Variants in TOM1 observed in about 807,000 individuals in gnomAD.
TOM1 encodes target of myb1 membrane trafficking protein, also known as target of Myb protein 1.
Under a neutral mutation model 61.3 loss-of-function variants are expected in TOM1, and 38 were observed. That is an observed-to-expected ratio of 0.62 (90% confidence interval 0.48 to 0.81). The LOEUF (loss-of-function observed/expected upper bound fraction) is 0.81, where lower values mean the gene tolerates loss of function less well. TOM1 is among the 40% of genes least tolerant of loss of function. The pLI, the probability that TOM1 is intolerant of heterozygous loss-of-function variation, is 0.00. For synonymous variants in TOM1, 270 were observed against 268.8 expected (o/e 1.00, Z -0.04); for missense variants, 591 against 659.6 (o/e 0.90, Z 1.14).
intron 8 of TOM1, among the ~76,000 whole-genome samples, chr22:35,332,667 G>A (rs532659431): frequency 1.3e-4 from 20 of 152,038 alleles, no homozygotes; most frequent in Admixed American, 3.3e-4. Flanking sequence ...CCTTTACTGC[G>A]TGCCATGCAT....
At chr22:35,319,240 A>T (rs559220901) in intron 2 of TOM1, among the ~76,000 whole-genome samples, 3 of 152,214 alleles carry the variant, frequency 2.0e-5, no homozygotes, top group African/African-American at 7.2e-5. Flanking sequence ...GCAAGCCCCC[A>T]TGTCCCTTAT....
At chr22:35,333,519 C>T (rs2145691832) in intron 10 of TOM1, 22 bp downstream of exon 10, 3 of 1,610,180 alleles carry the variant, frequency 1.9e-6, no homozygotes, top group Non-Finnish European at 2.5e-6. Context: ...TTGGAGGGCT[C>T]CAGCTGAGGG....
At chr22:35,334,866 T>TA (rs1929165864) in intron 11 of TOM1, among the ~76,000 whole-genome samples, 1 of 126,746 alleles carries the variant, frequency 7.9e-6, no homozygotes, top group Admixed American at 9.4e-5. Context: ...TACCGCATAG[T>TA]AAGCCCTCCA....
upstream of TOM1, chr22:35,299,751 C>G: frequency 1.5e-6 from 1 of 686,834 alleles, no homozygotes; most frequent in Non-Finnish European, 2.4e-6. Context: ...GGTCATCGCC[C>G]TCCGCCTCGG....
Position 35,322,437 on chromosome 22 carries a change from C to T in TOM1, c.216+400C>T, listed in dbSNP as rs148440565. 306 of 223,112 alleles carry T rather than the reference C, an allele frequency of 1.4e-3. 2 individuals are homozygous for T. Among genetic ancestry groups the T allele is most frequent in the African/African-American group, 6.7e-3 (293 of 43,586 alleles). 13.8% of individuals were successfully genotyped at this position (223,112 alleles called of 1,614,324 possible). A position where few individuals can be genotyped will look rare whatever the true frequency, so the allele number is the denominator to read the frequency against. Reference sequence around the variant, plus strand: ...TAAAATAAATACCAGTGGCTGAGAACAGTCTTGCCCACACCACTGAACCAG... The same window carrying T: ...TAAAATAAATACCAGTGGCTGAGAATAGTCTTGCCCACACCACTGAACCAG... On this transcript the variant is annotated intron_variant, in intron 3 of 14. Transcript: ENST00000449058.
intron 2 of TOM1, 134 bp downstream of exon 2, chr22:35,318,095 G>A (rs1056027728): frequency 3.9e-6 from 3 of 759,558 alleles, no homozygotes; most frequent in Admixed American, 2.1e-5. Flanking sequence ...CAACCCGCTT[G>A]GCTGCAGAGG....
chr22:35,339,926 C>G (rs1423769279), intron 12 of TOM1, among the ~76,000 whole-genome samples: 1 of 151,536 alleles, frequency 6.6e-6, no homozygotes, highest in Non-Finnish European at 1.5e-5. Context: ...AAGAGCGGAC[C>G]CTAAAGCAGC....
chr22:35,338,874 A>G (rs1929624278), intron 12 of TOM1, 86 bp downstream of exon 12: 1 of 1,273,132 alleles, frequency 7.9e-7, no homozygotes, highest in African/African-American at 1.5e-5. Flanking sequence ...TTGTGGGCCA[A>G]GCACTGGCCC....
chr22:35,344,190 C>T (rs1448645071), intron 12 of TOM1: 2 of 152,280 alleles, frequency 1.3e-5, no homozygotes, highest in African/African-American at 4.8e-5. Flanking sequence ...GCGTGACTCT[C>T]TCTCACCCAG....
intron 6 of TOM1, among the ~76,000 whole-genome samples, chr22:35,326,777 A>G (rs893643842): frequency 6.6e-6 from 1 of 150,550 alleles, no homozygotes; most frequent in Admixed American, 6.6e-5. Context: ...GTCCTCTAGG[A>G]GGAGAGAGGG....
intron 1 of TOM1, among the ~76,000 whole-genome samples, chr22:35,306,655 C>A (rs1373334140): frequency 6.6e-6 from 1 of 152,166 alleles, no homozygotes; most frequent in South Asian, 2.1e-4. Flanking sequence ...ATAGGGCTGT[C>A]GTGTTGTTGT....
At chr22:35,339,135 A>G (rs929554213) in intron 12 of TOM1, among the ~76,000 whole-genome samples, 20 of 152,144 alleles carry the variant, frequency 1.3e-4, no homozygotes, top group African/African-American at 4.8e-4. Context: ...GTTCAAGACC[A>G]GCCTGGCCAA....
intron 6 of TOM1, among the ~76,000 whole-genome samples, chr22:35,325,976 A>T (rs1194901304): frequency 1.3e-5 from 2 of 152,218 alleles, no homozygotes; most frequent in Non-Finnish European, 2.9e-5. Flanking sequence ...TCATTAAGTA[A>T]GCCAAATAGA....
intron 1 of TOM1, among the ~76,000 whole-genome samples, chr22:35,303,155 T>G (rs139926709): frequency 1.1e-5 from 1 of 88,902 alleles, no homozygotes; most frequent in African/African-American, 3.2e-5. Context: ...CACACCCCTT[T>G]GTGCTTGCTG....
chr22:35,311,369 T>A (rs1926804368), intron 1 of TOM1, among the ~76,000 whole-genome samples: 1 of 152,252 alleles, frequency 6.6e-6, no homozygotes, highest in Non-Finnish European at 1.5e-5. Flanking sequence ...GCACTTTGTT[T>A]ACCTAGCAAG....
At chr22:35,319,765 C>T (rs1170533802) in intron 2 of TOM1, among the ~76,000 whole-genome samples, 4 of 152,218 alleles carry the variant, frequency 2.6e-5, no homozygotes, top group South Asian at 2.1e-4. Flanking sequence ...CAGGGACGGG[C>T]GAGGGGCTGC....
chr22:35,321,609 G>A (rs1338700099), intron 2 of TOM1: 1 of 416,448 alleles, frequency 2.4e-6, no homozygotes, highest in East Asian at 6.9e-5. Flanking sequence ...ATGTTGGCCA[G>A]GCTGGTCTTG....
intron 8 of TOM1, chr22:35,331,170 A>G (rs907759421): frequency 2.8e-6 from 1 of 355,020 alleles, no homozygotes; most frequent in South Asian, 2.1e-5. Context: ...ATCACAGCTC[A>G]CTGCAGCCTC....
At chr22:35,341,308 C>T (rs1929863172) in intron 12 of TOM1, among the ~76,000 whole-genome samples, 1 of 152,210 alleles carries the variant, frequency 6.6e-6, no homozygotes, top group Non-Finnish European at 1.5e-5. Flanking sequence ...TTACGCTTCG[C>T]AGTACCGCCA....
Sources: allele counts gnomAD v4.1 joint callset (sites outside exome capture counted in the v4.1 genomes callset), GRCh38; gene constraint gnomAD v4.1.1; transcripts MANE v1.5; gene names NCBI Gene and HGNC (gene_info 2026-07-23, HGNC 2026-07-21).